CDK14: variants seen among roughly 807,000 people sequenced by gnomAD.
The protein encoded by CDK14 is cyclin-dependent kinase 14.
Under a neutral mutation model 60.7 loss-of-function variants are expected in CDK14, and 34 were observed. That is an observed-to-expected ratio of 0.56 (90% CI 0.43 to 0.75). The LOEUF (loss-of-function observed/expected upper bound fraction) is 0.75. Ranked by LOEUF, CDK14 falls within the 30% of genes least tolerant of loss-of-function variation. CDK14 has a pLI of 0.00. For missense variants in CDK14, 482 were observed against 564.1 expected (o/e 0.85, Z 1.47); for synonymous variants, 197 against 203.7 (o/e 0.97, Z 0.28).
Position 91,133,054 on chromosome 7 carries a change from C to T in CDK14, c.*28+14846C>T, listed in dbSNP as rs574111291. On this transcript the variant is annotated intron_variant, in intron 14 of 14. Transcript: ENST00000380050. ...ATATAATATTTCATATATTAAGATA[C>T]ATTGGTATCATTTGGGAGAAATGCA... 2.3e-3 allele frequency among the ~76,000 whole-genome samples: 344 copies of T among 152,088 alleles called. 1 individual carries two copies. The highest frequency in any genetic ancestry group is 7.9e-3 in the African/African-American group (326 of 41,510).
chr7:90,820,184 T>C (rs1789495363), intron 5 of CDK14, among the ~76,000 whole-genome samples: 1 of 152,204 alleles, frequency 6.6e-6, no homozygotes, highest in South Asian at 2.1e-4. Flanking sequence ...CTGGGCATCC[T>C]GTATTTTTAT....
chr7:90,834,645 T>C (rs1304420507), intron 5 of CDK14, among the ~76,000 whole-genome samples: 1 of 152,176 alleles, frequency 6.6e-6, no homozygotes, highest in Non-Finnish European at 1.5e-5. Context: ...GAAAAGTAAA[T>C]GGAGACTGGA....
chr7:90,973,622 TAAAG>T (rs897836287), intron 9 of CDK14, among the ~76,000 whole-genome samples: 2 of 151,982 alleles, frequency 1.3e-5, no homozygotes, highest in African/African-American at 4.8e-5. Context: ...ATCTGAGAAA[TAAAG>T]AGAAAGAATA....
intron 5 of CDK14, among the ~76,000 whole-genome samples, chr7:90,803,785 A>G (rs780600639): frequency 6.6e-6 from 1 of 152,184 alleles, no homozygotes; most frequent in Non-Finnish European, 1.5e-5. Context: ...TGATGTTACC[A>G]TCTTCATTTT....
chr7:90,603,489 A>G (rs1001415348), intron 1 of CDK14, among the ~76,000 whole-genome samples: 1 of 152,192 alleles, frequency 6.6e-6, no homozygotes, highest in African/African-American at 2.4e-5. Context: ...CATATAGCCT[A>G]GGTGTGTAGT....
chr7:90,723,774 G>A (rs1014527680), intron 2 of CDK14, among the ~76,000 whole-genome samples: 5 of 152,166 alleles, frequency 3.3e-5, no homozygotes, highest in East Asian at 1.9e-4. Context: ...CCTTGCATTC[G>A]TGGGATTAGT....
intron 2 of CDK14, among the ~76,000 whole-genome samples, chr7:90,663,095 A>AACACACACACACAC (rs111918409): frequency 7.6e-5 from 10 of 131,960 alleles, no homozygotes; most frequent in African/African-American, 2.2e-4. Context: ...CTAAGATGGG[A>AACACACACACACAC]ACACACACAC....
chr7:90,955,465 T>G (rs190868637), intron 8 of CDK14, among the ~76,000 whole-genome samples: 32 of 152,316 alleles, frequency 2.1e-4, no homozygotes, highest in Admixed American at 1.8e-3. Context: ...TTTTATTAGA[T>G]TCATGACATC....
chr7:91,014,140 T>G (rs535975482), intron 10 of CDK14, among the ~76,000 whole-genome samples: 1 of 152,184 alleles, frequency 6.6e-6, no homozygotes, highest in African/African-American at 2.4e-5. Flanking sequence ...CCAGTGCTGA[T>G]TTTTGAAGTC....
intron 7 of CDK14, among the ~76,000 whole-genome samples, chr7:90,916,404 A>G (rs1255810246): frequency 6.6e-6 from 1 of 152,180 alleles, no homozygotes; most frequent in Non-Finnish European, 1.5e-5. Context: ...ACTGCCCCAT[A>G]CATATTCTCG....
At chr7:91,111,979 T>C (rs1482385826) in intron 12 of CDK14, among the ~76,000 whole-genome samples, 1 of 152,180 alleles carries the variant, frequency 6.6e-6, no homozygotes, top group Admixed American at 6.5e-5. Context: ...TTCAGCCCCG[T>C]ATCATCTAAG....
chr7:90,856,212 T>C (rs1057471881), intron 5 of CDK14, among the ~76,000 whole-genome samples: 11 of 152,174 alleles, frequency 7.2e-5, no homozygotes, highest in Non-Finnish European at 7.3e-5. Flanking sequence ...TTAGCTAAAT[T>C]AAGGATTACA....
intron 1 of CDK14, among the ~76,000 whole-genome samples, chr7:90,597,517 C>G (rs183143996): frequency 6.6e-6 from 1 of 152,206 alleles, no homozygotes; most frequent in Non-Finnish European, 1.5e-5. Flanking sequence ...CCCCTTTTAA[C>G]CTGAAGAGTT....
intron 4 of CDK14, among the ~76,000 whole-genome samples, chr7:90,757,026 C>G (rs2116844516): frequency 6.6e-6 from 1 of 152,290 alleles, no homozygotes; most frequent in South Asian, 2.1e-4. Context: ...TGTACTTTCT[C>G]AGTTCTAGAG....
chr7:91,176,354 G>T (rs1054823997), intron 14 of CDK14, among the ~76,000 whole-genome samples: 18 of 152,292 alleles, frequency 1.2e-4, no homozygotes, highest in Admixed American at 6.5e-4. Context: ...ACAAGAGAAA[G>T]CAGGAAAGAT....
At chr7:90,998,389 A>T (rs1037992498) in intron 10 of CDK14, among the ~76,000 whole-genome samples, 1 of 152,212 alleles carries the variant, frequency 6.6e-6, no homozygotes, top group Non-Finnish European at 1.5e-5. Context: ...CACAAAATCC[A>T]TTCTTTTTTT....
chr7:90,646,118 C>T (rs988718134), intron 2 of CDK14, among the ~76,000 whole-genome samples: 2 of 152,100 alleles, frequency 1.3e-5, no homozygotes. Context: ...CCACTGTTTG[C>T]CTAAACATTC....
At chr7:90,881,318 T>C (rs1271720278) in intron 6 of CDK14, among the ~76,000 whole-genome samples, 1 of 152,034 alleles carries the variant, frequency 6.6e-6, no homozygotes, top group Non-Finnish European at 1.5e-5. Context: ...AACAGCTGAA[T>C]AGACCAGGCA....
At chr7:91,118,237 A>G (rs1584086980) in intron 14 of CDK14, 29 bp downstream of exon 14, 1 of 1,006,958 alleles carries the variant, frequency 9.9e-7, no homozygotes, top group Non-Finnish European at 1.5e-6. Context: ...CCTGGAAAGT[A>G]ATATTTAATG....
Sources: gnomAD v4.1 joint callset for allele counts (sites outside exome capture counted in the v4.1 genomes callset) on GRCh38, gnomAD v4.1.1 for gene constraint, MANE v1.5 for transcripts, NCBI Gene and HGNC (gene_info 2026-07-23, HGNC 2026-07-21) for gene names.